UST: variants seen among roughly 807,000 people sequenced by gnomAD.
The protein encoded by UST is uronyl 2-sulfotransferase.
In UST, 21 loss-of-function variants were observed where a neutral mutation model predicts 45.6. That is an observed-to-expected ratio of 0.46 (90% CI 0.33 to 0.66). UST has a LOEUF of 0.66. Ranked by LOEUF, UST falls within the 30% of genes least tolerant of loss-of-function variation. UST has a pLI of 0.02. For missense variants in UST, 463 were observed against 512.4 expected (o/e 0.90, Z 0.93); for synonymous variants, 215 against 200.6 (o/e 1.07, Z -0.61).
chr6:148,917,725 G>A (rs1274216358), intron 2 of UST, among the ~76,000 whole-genome samples: 2 of 152,202 alleles, frequency 1.3e-5, no homozygotes, highest in African/African-American at 2.4e-5. Flanking sequence ...CTTCAGGGTA[G>A]GGCTGAGGCA....
chr6:148,965,261 T>C (rs1582930238), intron 5 of UST, among the ~76,000 whole-genome samples: 1 of 147,714 alleles, frequency 6.8e-6, no homozygotes, highest in Admixed American at 6.6e-5. Flanking sequence ...TTGCGCGTCT[T>C]TCTTTCAGCA....
chr6:148,804,603 G>C lies in UST; in HGVS notation c.247+56926G>C, dbSNP rs117096446. Among the ~76,000 whole-genome samples the C allele has an allele frequency of 2.6e-3, 394 of 152,266 alleles. 1 individual carries two copies. Among genetic ancestry groups the C allele is most frequent in the Non-Finnish European group, 4.6e-3 (314 of 68,024 alleles). On this transcript the variant is annotated intron_variant, in intron 1 of 7. Coordinates refer to ENST00000367463, the MANE Select transcript of UST (RefSeq NM_005715.3). ...AAGGCTTTCTGGAAGTGTGTTTCAG[G>C]GGGGAGAAGTCAAGCTGGAATTTTA...
Position 148,846,420 on chromosome 6 carries a change from C to G in UST, c.248-40566C>G, listed in dbSNP as rs531840058. Among the ~76,000 whole-genome samples, 595 of 150,820 alleles carry G rather than the reference C, an allele frequency of 3.9e-3. 2 individuals are homozygous for G. Among genetic ancestry groups the G allele is most frequent in the African/African-American group, 0.014 (579 of 40,966 alleles). On this transcript the variant is annotated intron_variant, in intron 1 of 7. Transcript: ENST00000367463. ...AATGAGAACACATGGACGTAGGAAG[C>G]GGAACATCACACTCTGGGGACTGTT...
chr6:148,906,695 T>A (rs796938115), intron 2 of UST, among the ~76,000 whole-genome samples: 9 of 1,312 alleles, frequency 6.9e-3, no homozygotes, highest in African/African-American at 9.8e-3. Flanking sequence ...TCTTACTAAC[T>A]GTGATTTGGG....
At position 149,073,975 on chromosome 6, in the gene UST, CAA is replaced by C; in HGVS notation, c.1081_1082del (p.Lys361ValfsTer4). ...VKEQFHLLKRKFGLKSHVSKP... is the reference protein window; with the variant it reads ...VKEQFHLLKRXFGLKSHVSKP... ...AAGAGCAGTTCCACCTGCTGAAGCGCAAGTTTGGACTTAAGTCTCACGTCAGC... is the reference window on the plus strand; with the variant it reads ...AAGAGCAGTTCCACCTGCTGAAGCGCGTTTGGACTTAAGTCTCACGTCAGC... On this transcript the variant is annotated frameshift_variant, in exon 8 of 8. Transcript: ENST00000367463. LOFTEE classifies it high-confidence loss of function. The C allele has an allele frequency of 6.2e-7, 1 of 1,614,138 alleles. No homozygotes were observed. Among genetic ancestry groups the C allele is most frequent in the South Asian group, 1.1e-5 (1 of 91,082 alleles).
intron 1 of UST, among the ~76,000 whole-genome samples, 199 bp from the exon 2 acceptor site, chr6:148,886,787 G>GT (rs1778920131): frequency 6.6e-6 from 1 of 152,188 alleles, no homozygotes; most frequent in Non-Finnish European, 1.5e-5. Flanking sequence ...TAGAATGTTT[G>GT]TAACAGCTGA....
At chr6:149,064,024 A>G (rs879261361) in intron 7 of UST, among the ~76,000 whole-genome samples, 1 of 152,212 alleles carries the variant, frequency 6.6e-6, no homozygotes, top group Non-Finnish European at 1.5e-5. Context: ...GCAAATCTTC[A>G]TGATCTTGTA....
At chr6:149,054,401 G>A (rs774482681) in intron 7 of UST, among the ~76,000 whole-genome samples, 1 of 152,184 alleles carries the variant, frequency 6.6e-6, no homozygotes, top group East Asian at 1.9e-4. Flanking sequence ...CACAGCCTTT[G>A]ATGTTCAACC....
At chr6:148,982,417 G>A (rs973918453) in intron 5 of UST, among the ~76,000 whole-genome samples, 3 of 152,038 alleles carry the variant, frequency 2.0e-5, no homozygotes, top group Non-Finnish European at 2.9e-5. Context: ...CCTTTTGTAA[G>A]GCCACCTAGT....
chr6:148,927,678 A>G (rs987840952), intron 2 of UST, among the ~76,000 whole-genome samples: 1 of 152,186 alleles, frequency 6.6e-6, no homozygotes, highest in African/African-American at 2.4e-5. Flanking sequence ...AATGAGAAAG[A>G]TAGAAGACAT....
Position 148,877,959 on chromosome 6 carries a change from G to A in UST, c.248-9027G>A, listed in dbSNP as rs1442401271. On this transcript the variant is annotated intron_variant, in intron 1 of 7. Transcript: ENST00000367463. ...GGGGTCGTGTATGAGTGCGGGGGTC[G>A]TGTATGAGTGGGGGGATCGTGTACG... Among the ~76,000 whole-genome samples the A allele has an allele frequency of 2.8e-4, 29 of 102,388 alleles. 1 individual carries two copies. The highest frequency in any genetic ancestry group is 8.8e-4 in the African/African-American group (23 of 26,140). 67.2% of individuals were successfully genotyped at this position (102,388 alleles called of 152,430 possible). A position where few individuals can be genotyped will look rare whatever the true frequency, so the allele number is the denominator to read the frequency against.
chr6:148,775,638 T>A (rs115312391), intron 1 of UST, among the ~76,000 whole-genome samples: 1 of 133,528 alleles, frequency 7.5e-6, no homozygotes, highest in Non-Finnish European at 1.7e-5. Context: ...TTTTTTTTTT[T>A]TGGGGCGGGG....
chr6:149,072,689 A>G (rs1007887703), intron 7 of UST, among the ~76,000 whole-genome samples: 2 of 152,022 alleles, frequency 1.3e-5, no homozygotes, highest in East Asian at 1.9e-4. Flanking sequence ...TCTGATACAC[A>G]CTACAACATG....
intron 5 of UST, among the ~76,000 whole-genome samples, chr6:148,991,154 A>G (rs1453516472): frequency 6.6e-6 from 1 of 152,218 alleles, no homozygotes; most frequent in East Asian, 1.9e-4. Context: ...GTTCTGAGGC[A>G]GGTGTTCTCT....
intron 1 of UST, among the ~76,000 whole-genome samples, chr6:148,820,251 T>G (rs1777430693): frequency 6.6e-6 from 1 of 152,212 alleles, no homozygotes; most frequent in Non-Finnish European, 1.5e-5. Flanking sequence ...AATTCCCATA[T>G]GCCCTCACTC....
chr6:149,056,117 CTTTT>C (rs34191810), intron 7 of UST, among the ~76,000 whole-genome samples: 12 of 81,062 alleles, frequency 1.5e-4, no homozygotes, highest in Admixed American at 4.2e-4. Flanking sequence ...CTTTTCTTTT[CTTTT>C]TTTTTTTTTT....
chr6:149,069,951 G>C (rs1776795264), intron 7 of UST, among the ~76,000 whole-genome samples: 1 of 152,178 alleles, frequency 6.6e-6, no homozygotes, highest in Non-Finnish European at 1.5e-5. Context: ...GGAAATTACT[G>C]TTTCAACCTT....
intron 5 of UST, among the ~76,000 whole-genome samples, chr6:148,973,705 AT>A (rs920407433): frequency 2.0e-5 from 3 of 152,230 alleles, no homozygotes; most frequent in East Asian, 1.9e-4. Context: ...CATTTGTAAT[AT>A]TTTTTTCCCT....
intron 3 of UST, among the ~76,000 whole-genome samples, chr6:148,946,746 G>A (rs1343623212): frequency 1.4e-5 from 2 of 138,988 alleles, no homozygotes; most frequent in African/African-American, 5.5e-5. Flanking sequence ...CCTGGGAGGT[G>A]GAGCTTGCAG....
Sources: allele counts gnomAD v4.1 joint callset (sites outside exome capture counted in the v4.1 genomes callset), GRCh38; gene constraint gnomAD v4.1.1; transcripts MANE v1.5; gene names NCBI Gene and HGNC (gene_info 2026-07-23, HGNC 2026-07-21).